HNRNPC: variants seen among roughly 807,000 people sequenced by gnomAD.
HNRNPC encodes heterogeneous nuclear ribonucleoprotein C, also known as heterogeneous nuclear ribonucleoproteins C1/C2.
Under a neutral mutation model 33.2 loss-of-function variants are expected in HNRNPC, and 3 were observed. That is an observed-to-expected ratio of 0.09 (90% confidence interval 0.04 to 0.23). HNRNPC has a LOEUF of 0.23. Ranked by LOEUF, HNRNPC falls within the 10% of genes least tolerant of loss-of-function variation. The probability of loss-of-function intolerance (pLI) is 1.00; values close to 1 mark genes in which losing one functional copy is unlikely to be tolerated. For synonymous variants in HNRNPC, 121 were observed against 126.7 expected, an observed-to-expected ratio of 0.96 and a Z score of 0.30; for missense variants, 143 against 366.7, an observed-to-expected ratio of 0.39 and a Z score of 4.98.
chr14:21,261,216 A>C (rs1301052773), intron 2 of HNRNPC, among the ~76,000 whole-genome samples: 4 of 152,136 alleles, frequency 2.6e-5, no homozygotes, highest in Non-Finnish European at 5.9e-5. Context: ...CTCCCTCACT[A>C]AGCTGCGAAG....
At chr14:21,260,098 G>T (rs962854756) in intron 2 of HNRNPC, among the ~76,000 whole-genome samples, 4 of 146,022 alleles carry the variant, frequency 2.7e-5, no homozygotes, top group African/African-American at 1.0e-4. Flanking sequence ...TACTTGGGAG[G>T]CTGAGGCAGG....
chr14:21,236,785 G>C, intron 2 of HNRNPC, among the ~76,000 whole-genome samples: 1 of 152,114 alleles, frequency 6.6e-6, no homozygotes, highest in East Asian at 1.9e-4. Flanking sequence ...TGGGATTCTT[G>C]GAAGGGGTCA....
At chr14:21,260,369 TAAAA>T (rs11345053) in intron 2 of HNRNPC, among the ~76,000 whole-genome samples, 9 of 122,208 alleles carry the variant, frequency 7.4e-5, no homozygotes, top group African/African-American at 2.7e-4. Flanking sequence ...CCGTCTTATT[TAAAA>T]AAAAAAAAAA....
At chr14:21,269,055 C>T (rs953673199) in intron 1 of HNRNPC, among the ~76,000 whole-genome samples, 3 of 152,116 alleles carry the variant, frequency 2.0e-5, no homozygotes, top group Non-Finnish European at 2.9e-5. Context: ...CAGCCGTTAA[C>T]ACAGGAAGAG....
At chr14:21,233,897 A>C in intron 3 of HNRNPC, 56 bp downstream of exon 3, 1 of 1,578,044 alleles carries the variant, frequency 6.3e-7, no homozygotes, top group Non-Finnish European at 8.6e-7. Context: ...CAAAAAAAAA[A>C]CGTGAATAGA....
chr14:21,241,356 T>C (rs1175485642), intron 2 of HNRNPC, among the ~76,000 whole-genome samples: 2 of 151,782 alleles, frequency 1.3e-5, no homozygotes, highest in African/African-American at 4.8e-5. Flanking sequence ...ATACTAAATA[T>C]GCTATATATG....
chr14:21,259,293 C>T (rs1212957856), intron 2 of HNRNPC, among the ~76,000 whole-genome samples: 1 of 152,128 alleles, frequency 6.6e-6, no homozygotes. Context: ...TTTTGGTTCC[C>T]TTGCCATCTT....
chr14:21,227,561 A>G (rs1018031108), intron 5 of HNRNPC, among the ~76,000 whole-genome samples: 34 of 152,248 alleles, frequency 2.2e-4, no homozygotes, highest in African/African-American at 8.0e-4. Flanking sequence ...TCAAAAACGG[A>G]ATTACTTTTG....
At chr14:21,221,001 C>T (rs1453680233) in intron 5 of HNRNPC, among the ~76,000 whole-genome samples, 2 of 152,114 alleles carry the variant, frequency 1.3e-5, no homozygotes, top group Admixed American at 1.3e-4. Flanking sequence ...GCAGGAGGAT[C>T]CCTTGAAACC....
At chr14:21,255,503 CTA>C (rs533779365) in intron 2 of HNRNPC, among the ~76,000 whole-genome samples, 217 of 152,352 alleles carry the variant, frequency 1.4e-3, no homozygotes, top group African/African-American at 5.0e-3. Context: ...TAACTCGACT[CTA>C]TCACAGCTAA....
At chr14:21,230,497 A>G (rs1028333736) in intron 4 of HNRNPC, 131 bp from the exon 5 acceptor site, 26 of 656,500 alleles carry the variant, frequency 4.0e-5, no homozygotes, top group Non-Finnish European at 7.2e-5. Flanking sequence ...ATGATCCCCA[A>G]TCATTCATAC....
intron 5 of HNRNPC, among the ~76,000 whole-genome samples, chr14:21,218,636 C>T (rs1193740594): frequency 7.2e-6 from 1 of 138,118 alleles, no homozygotes; most frequent in Admixed American, 7.9e-5. Context: ...AAGCCAAGAT[C>T]GCACCACTGC....
chr14:21,251,260 C>CAAAAAAAAAAA (rs71419116), intron 2 of HNRNPC, among the ~76,000 whole-genome samples: 2 of 49,484 alleles, frequency 4.0e-5, no homozygotes, highest in African/African-American at 1.6e-4. Flanking sequence ...GACTCCCTCT[C>CAAAAAAAAAAA]AAAAAAAAAA....
At position 21,233,950 on chromosome 14, in the gene HNRNPC, T is replaced by A; in HGVS notation, c.241+3A>T. The A allele has an allele frequency of 6.2e-7, 1 of 1,611,336 alleles. No homozygotes were observed. Among genetic ancestry groups the A allele is most frequent in the Non-Finnish European group, 8.5e-7 (1 of 1,178,910 alleles). ...TACATCATCAATGAAAAAATTCACT[T>A]ACCTAAAACCTGGCCAGCAATCATT... On this transcript the variant is annotated splice_donor_region_variant and intron_variant, in intron 3 of 8. Coordinates refer to ENST00000553300, the MANE Select transcript of HNRNPC (RefSeq NM_004500.4).
chr14:21,225,175 C>T (rs917746235), intron 5 of HNRNPC, among the ~76,000 whole-genome samples: 12 of 151,852 alleles, frequency 7.9e-5, no homozygotes, highest in African/African-American at 2.7e-4. Flanking sequence ...AATCCCAGCA[C>T]TTTGGGAGGG....
intron 2 of HNRNPC, among the ~76,000 whole-genome samples, chr14:21,250,361 T>C (rs1369502993): frequency 1.3e-5 from 2 of 152,208 alleles, no homozygotes; most frequent in African/African-American, 4.8e-5. Flanking sequence ...ATGGCAATCC[T>C]GGTGGAAGGT....
chr14:21,249,593 C>CAA (rs756880620), intron 2 of HNRNPC, among the ~76,000 whole-genome samples: 2,631 of 83,438 alleles, frequency 0.032, 112 homozygotes, highest in African/African-American at 0.1. Flanking sequence ...GTCTCAAAAA[C>CAA]AAAAAAAAAA....
chr14:21,227,183 G>T (rs1022221858), intron 5 of HNRNPC, among the ~76,000 whole-genome samples: 1 of 151,934 alleles, frequency 6.6e-6, no homozygotes, highest in African/African-American at 2.4e-5. Context: ...AAAAACTCCT[G>T]TATCTGCCCC....
chr14:21,212,296 T>A lies in HNRNPC; in HGVS notation c.524-373A>T, dbSNP rs369658240. On this transcript the variant is annotated intron_variant, in intron 6 of 8. Transcript: ENST00000553300. ...GGGGCTACAGGCACGCACCACTGCA[T>A]CAGACCTTCTGTAATGTTTTACTGC... 1.5e-4 allele frequency among the ~76,000 whole-genome samples: 23 copies of A among 152,100 alleles called. No individual in the cohort carries two copies. In the East Asian group the frequency reaches 3.1e-3, roughly 21 times the overall value.
Sources: allele counts gnomAD v4.1 joint callset (sites outside exome capture counted in the v4.1 genomes callset), GRCh38; gene constraint gnomAD v4.1.1; transcripts MANE v1.5; gene names NCBI Gene and HGNC (gene_info 2026-07-23, HGNC 2026-07-21).